Variants in NEK11 observed in about 807,000 individuals in gnomAD.
The protein encoded by NEK11 is serine/threonine-protein kinase Nek11.
In NEK11, 72 loss-of-function variants were observed where a neutral mutation model predicts 80.7. The observed-to-expected ratio is 0.89, with a 90% confidence interval of 0.74 to 1.08. NEK11 has a LOEUF of 1.08. NEK11 is among the 50% of genes least tolerant of loss of function. NEK11 has a pLI of 0.00. For missense variants in NEK11, 764 were observed against 763.6 expected (o/e 1.00, Z -0.01); for synonymous variants, 251 against 260.7 (o/e 0.96, Z 0.36).
intron 7 of NEK11, among the ~76,000 whole-genome samples, chr3:131,151,613 A>G (rs1421336985): frequency 6.6e-6 from 1 of 152,110 alleles, no homozygotes; most frequent in Admixed American, 6.5e-5. Flanking sequence ...TACATAATTC[A>G]TAATGTCCAT....
At chr3:131,110,813 G>A (rs776396198) in intron 5 of NEK11, among the ~76,000 whole-genome samples, 3 of 151,954 alleles carry the variant, frequency 2.0e-5, no homozygotes, top group Non-Finnish European at 4.4e-5. Flanking sequence ...AAAAGTAATC[G>A]GATTATTCTG....
rs150951735 is a variant in NEK11, at chr3:131,203,767, GTATATATATATATATATATATATA to G, written c.1400-24724_1400-24701del. 1.3e-3 allele frequency among the ~76,000 whole-genome samples: 73 copies of G among 54,210 alleles called. 1 individual carries two copies. The highest frequency in any genetic ancestry group is 0.01 in the East Asian group (6 of 588). 35.6% of individuals were successfully genotyped at this position (54,210 alleles called of 152,430 possible). Reference sequence around the variant, plus strand: ...TATATATGTGTGTGTGTGTGTGTGTGTATATATATATATATATATATATATATATATATATATATATATATATAT... The same window carrying G: ...TATATATGTGTGTGTGTGTGTGTGTGTATATATATATATATATATATATAT... On this transcript the variant is annotated intron_variant, in intron 14 of 17. Transcript: ENST00000383366.
chr3:131,217,530 C>A (rs147605245), intron 14 of NEK11, among the ~76,000 whole-genome samples: 2 of 152,224 alleles, frequency 1.3e-5, no homozygotes, highest in East Asian at 3.9e-4. Context: ...GAAATGTGTC[C>A]TTAGGCAATT....
chr3:131,242,227 T>C (rs1266684770), intron 15 of NEK11, among the ~76,000 whole-genome samples: 3 of 152,170 alleles, frequency 2.0e-5, no homozygotes, highest in Non-Finnish European at 2.9e-5. Context: ...TTACAAGATA[T>C]TCCTCATGTC....
chr3:131,241,458 C>T (rs181398095), intron 15 of NEK11, among the ~76,000 whole-genome samples: 6 of 151,974 alleles, frequency 3.9e-5, no homozygotes, highest in East Asian at 1.9e-4. Context: ...TTTTTAATAG[C>T]GTCAGAAAAA....
chr3:131,250,008 A>C (rs1285840177), intron 16 of NEK11, among the ~76,000 whole-genome samples: 1 of 152,054 alleles, frequency 6.6e-6, no homozygotes. Flanking sequence ...TAAAATAAAA[A>C]ATTAAAGAAA....
chr3:131,308,307 T>A (rs2096742510), intron 17 of NEK11, among the ~76,000 whole-genome samples: 1 of 152,344 alleles, frequency 6.6e-6, no homozygotes, highest in Admixed American at 6.5e-5. Context: ...GGCAGTAGAA[T>A]CTTACCCATA....
intron 3 of NEK11, among the ~76,000 whole-genome samples, chr3:131,058,499 G>A (rs1030793987): frequency 3.3e-5 from 5 of 152,134 alleles, no homozygotes; most frequent in Admixed American, 6.6e-5. Flanking sequence ...CCAGATTAGA[G>A]TTGCTTGGAC....
intron 4 of NEK11, among the ~76,000 whole-genome samples, chr3:131,096,546 T>A (rs2077460117): frequency 6.6e-6 from 1 of 152,112 alleles, no homozygotes; most frequent in South Asian, 2.1e-4. Context: ...ATATTCACAG[T>A]AATGAGATTG....
At chr3:131,133,336 A>C (rs745685505) in intron 6 of NEK11, 1 of 451,086 alleles carries the variant, frequency 2.2e-6, no homozygotes, top group South Asian at 1.6e-5. Context: ...AGGAAGGAAT[A>C]AAAGTGTGCA....
chr3:131,184,749 TA>T, intron 14 of NEK11: 2 of 1,238,552 alleles, frequency 1.6e-6, no homozygotes, highest in South Asian at 1.9e-5. Context: ...AAATGAAAAA[TA>T]AAGGAATTTC....
intron 14 of NEK11, among the ~76,000 whole-genome samples, chr3:131,225,051 A>G (rs1580478005): frequency 6.6e-6 from 1 of 152,308 alleles, no homozygotes; most frequent in South Asian, 2.1e-4. Context: ...AGCGTACAGT[A>G]ATGTTCTAGG....
At chr3:131,225,261 A>G (rs1334853402) in intron 14 of NEK11, among the ~76,000 whole-genome samples, 1 of 152,260 alleles carries the variant, frequency 6.6e-6, no homozygotes, top group African/African-American at 2.4e-5. Context: ...TCAGTGTAGT[A>G]ACATGCTGTA....
intron 16 of NEK11, among the ~76,000 whole-genome samples, chr3:131,263,991 G>T (rs1381345370): frequency 6.6e-6 from 1 of 152,088 alleles, no homozygotes; most frequent in Admixed American, 6.6e-5. Flanking sequence ...TCATGTGTCT[G>T]TTGGCTGCAT....
At chr3:131,161,656 GAAC>G (rs757239883) in intron 10 of NEK11, among the ~76,000 whole-genome samples, 1 of 152,098 alleles carries the variant, frequency 6.6e-6, no homozygotes, top group South Asian at 2.1e-4. Context: ...ACATAGAGGG[GAAC>G]AACAGACACT....
intron 3 of NEK11, among the ~76,000 whole-genome samples, chr3:131,066,906 T>C (rs575103355): frequency 2.4e-4 from 36 of 152,086 alleles, no homozygotes; most frequent in African/African-American, 8.0e-4. Context: ...TCATTATTAT[T>C]GAGTGTGGTT....
chr3:131,181,745 CAA>C lies in NEK11; in HGVS notation c.1399+10878_1399+10879del, dbSNP rs58463955. Among the ~76,000 whole-genome samples, 515 of 83,068 alleles carry C rather than the reference CAA, an allele frequency of 6.2e-3. 4 individuals are homozygous for C. The highest frequency in any genetic ancestry group is 0.023 in the African/African-American group (469 of 19,962). 54.5% of individuals were successfully genotyped at this position (83,068 alleles called of 152,430 possible). On this transcript the variant is annotated intron_variant, in intron 14 of 17. Transcript: ENST00000383366. ...TGGGCGACAGAGCGAGACTCCGCCTCAAAAAAAAAAAAAAAAAAAAAGAAAAG... is the reference window on the plus strand; with the variant it reads ...TGGGCGACAGAGCGAGACTCCGCCTCAAAAAAAAAAAAAAAAAAAGAAAAG...
intron 14 of NEK11, among the ~76,000 whole-genome samples, chr3:131,178,168 A>G (rs557349772): frequency 2.7e-4 from 41 of 152,344 alleles, no homozygotes; most frequent in Admixed American, 2.0e-3. Context: ...GGAAGTTGCC[A>G]TGGGTGAGTC....
chr3:131,176,202 A>G (rs2093006094), intron 14 of NEK11, among the ~76,000 whole-genome samples: 1 of 152,190 alleles, frequency 6.6e-6, no homozygotes, highest in African/African-American at 2.4e-5. Flanking sequence ...GCATAATACA[A>G]CAAAAGGTGA....
Sources: gnomAD v4.1 joint callset for allele counts (sites outside exome capture counted in the v4.1 genomes callset) on GRCh38, gnomAD v4.1.1 for gene constraint, MANE v1.5 for transcripts, NCBI Gene and HGNC (gene_info 2026-07-23, HGNC 2026-07-21) for gene names.